TMEM178B: variants seen among roughly 807,000 people sequenced by gnomAD.
TMEM178B encodes transmembrane protein 178B.
Under a neutral mutation model 31.0 loss-of-function variants are expected in TMEM178B, and 5 were observed. The observed-to-expected ratio is 0.16, with a 90% CI of 0.08 to 0.34. The LOEUF is 0.34. Ranked by LOEUF, TMEM178B falls within the 10% of genes least tolerant of loss-of-function variation. TMEM178B has a pLI of 1.00. For missense variants in TMEM178B, 275 were observed against 400.3 expected (o/e 0.69, Z 2.67); for synonymous variants, 164 against 164.0 (o/e 1.00, Z 0.00).
chr7:141,291,723 GACA>G (rs1798549473), intron 2 of TMEM178B, among the ~76,000 whole-genome samples: 1 of 152,002 alleles, frequency 6.6e-6, no homozygotes, highest in South Asian at 2.1e-4. Context: ...GAAATGTAGA[GACA>G]ACAAACGCCT....
intron 1 of TMEM178B, among the ~76,000 whole-genome samples, chr7:141,170,414 T>G (rs1796328799): frequency 2.6e-5 from 4 of 152,200 alleles, no homozygotes; most frequent in Admixed American, 2.0e-4. Context: ...CTTCTCAGTT[T>G]TTTATTGAGT....
intron 2 of TMEM178B, among the ~76,000 whole-genome samples, chr7:141,321,411 A>C (rs1256666754): frequency 1.3e-5 from 2 of 152,202 alleles, no homozygotes; most frequent in East Asian, 3.9e-4. Context: ...GGTGTCATGC[A>C]TGCCACACAC....
At chr7:141,241,977 C>T (rs1797630644) in intron 2 of TMEM178B, among the ~76,000 whole-genome samples, 1 of 152,028 alleles carries the variant, frequency 6.6e-6, no homozygotes, top group Non-Finnish European at 1.5e-5. Context: ...GCTACATTTT[C>T]ATCAGAAATA....
intron 2 of TMEM178B, among the ~76,000 whole-genome samples, chr7:141,426,156 T>G (rs1801312437): frequency 6.6e-6 from 1 of 152,196 alleles, no homozygotes; most frequent in Admixed American, 6.5e-5. Flanking sequence ...CAAATATATT[T>G]AAGTCACTGA....
intron 2 of TMEM178B, among the ~76,000 whole-genome samples, chr7:141,401,660 C>T (rs1205570043): frequency 6.6e-6 from 1 of 152,058 alleles, no homozygotes; most frequent in Non-Finnish European, 1.5e-5. Flanking sequence ...CCCAACTTGG[C>T]CTCCTAAAGT....
At chr7:141,231,919 A>C (rs1797454048) in intron 2 of TMEM178B, among the ~76,000 whole-genome samples, 1 of 152,152 alleles carries the variant, frequency 6.6e-6, no homozygotes, top group African/African-American at 2.4e-5. Context: ...TATTAAGCCC[A>C]ACATCTATTA....
At chr7:141,312,351 C>G (rs974937043) in intron 2 of TMEM178B, among the ~76,000 whole-genome samples, 1 of 152,138 alleles carries the variant, frequency 6.6e-6, no homozygotes, top group African/African-American at 2.4e-5. Flanking sequence ...GTTCTGAGCT[C>G]TATTTTCAGA....
chr7:141,244,009 G>T (rs1420479765), intron 2 of TMEM178B, among the ~76,000 whole-genome samples: 3 of 152,174 alleles, frequency 2.0e-5, no homozygotes, highest in Non-Finnish European at 4.4e-5. Context: ...CAAAACCGGG[G>T]CTGCGGACAT....
In TMEM178B at chr7:141,285,150, G is replaced by GTTTTTTTTTTTTTTTTTT. The variant is rs1179131184; in HGVS notation, c.496+72449_496+72450insTTTTTTTTTTTTTTTTTT. On this transcript the variant is annotated intron_variant, in intron 2 of 3. Transcript: ENST00000565468. ...CCCCAGGATCCAATTCAGGATTCTT[G>GTTTTTTTTTTTTTTTTTT]TTTCTTTTTTTTTTTTTTTTTTTTT... Among the ~76,000 whole-genome samples, 3 of 78,960 alleles carry GTTTTTTTTTTTTTTTTTT rather than the reference G, an allele frequency of 3.8e-5. 1 individual carries two copies. The highest frequency in any genetic ancestry group is 5.1e-5 in the Non-Finnish European group (2 of 39,116). The allele number at this position is 78,960 out of a possible 152,430, so 51.8% of individuals were successfully genotyped here. A position where few individuals can be genotyped will look rare whatever the true frequency, so the allele number is the denominator to read the frequency against.
chr7:141,187,039 C>G (rs971172524), intron 1 of TMEM178B, among the ~76,000 whole-genome samples: 14 of 151,542 alleles, frequency 9.2e-5, no homozygotes, highest in Non-Finnish European at 2.1e-4. Flanking sequence ...GTGCTGCACA[C>G]ATTAACTCGT....
intron 2 of TMEM178B, among the ~76,000 whole-genome samples, chr7:141,383,994 C>A (rs1586925254): frequency 6.6e-6 from 1 of 152,284 alleles, no homozygotes; most frequent in East Asian, 1.9e-4. Flanking sequence ...CTTCATGTGT[C>A]TGTTGGCTGC....
At chr7:141,428,389 A>G (rs1356047379) in intron 2 of TMEM178B, among the ~76,000 whole-genome samples, 13 of 151,216 alleles carry the variant, frequency 8.6e-5, no homozygotes, top group Non-Finnish European at 1.5e-4. Flanking sequence ...AAAAAAGAAA[A>G]AAAGAAAAGG....
chr7:141,410,668 A>C (rs1586942518), intron 2 of TMEM178B, among the ~76,000 whole-genome samples: 1 of 151,986 alleles, frequency 6.6e-6, no homozygotes, highest in African/African-American at 2.4e-5. Context: ...GCGGTGACTT[A>C]TAAAGTCCTC....
At chr7:141,249,646 G>A (rs1397215844) in intron 2 of TMEM178B, among the ~76,000 whole-genome samples, 3 of 72,980 alleles carry the variant, frequency 4.1e-5, no homozygotes, top group African/African-American at 1.3e-4. Context: ...GGGACCCAGT[G>A]AGAAAAGGGG....
At chr7:141,493,031 G>A in the TMEM178B span, among the ~76,000 whole-genome samples, 535 of 152,238 alleles carry the variant, frequency 3.5e-3, 6 homozygotes, top group African/African-American at 0.012. Context: ...GCCAAGTAAC[G>A]GTTCTGCCTG....
At chr7:141,097,975 A>G (rs1381529856) in intron 1 of TMEM178B, among the ~76,000 whole-genome samples, 1 of 151,626 alleles carries the variant, frequency 6.6e-6, no homozygotes, top group African/African-American at 2.4e-5. Flanking sequence ...TATTTTTTGT[A>G]GAGATGGGGT....
chr7:141,499,034 G>A, the TMEM178B span, among the ~76,000 whole-genome samples: 330 of 152,282 alleles, frequency 2.2e-3, 1 homozygote, highest in Non-Finnish European at 3.2e-3. Flanking sequence ...AAAAAAGCAT[G>A]CCACCAGTAC....
intron 2 of TMEM178B, among the ~76,000 whole-genome samples, chr7:141,228,039 T>TAC (rs71853516): frequency 0.051 from 7,640 of 150,314 alleles, 275 homozygotes; most frequent in African/African-American, 0.095. Context: ...AAGGTGTGTG[T>TAC]ACACACACAC....
At chr7:141,265,593 C>T (rs924012011) in intron 2 of TMEM178B, among the ~76,000 whole-genome samples, 1 of 152,046 alleles carries the variant, frequency 6.6e-6, no homozygotes, top group Non-Finnish European at 1.5e-5. Context: ...GTACGTGGCA[C>T]CCTGGAGAAG....
Sources: gnomAD v4.1 joint callset for allele counts (sites outside exome capture counted in the v4.1 genomes callset) on GRCh38, gnomAD v4.1.1 for gene constraint, MANE v1.5 for transcripts, NCBI Gene and HGNC (gene_info 2026-07-23, HGNC 2026-07-21) for gene names.